GRHL2: variants seen among roughly 807,000 people sequenced by gnomAD.
GRHL2 encodes grainyhead like transcription factor 2.
GRHL2 carries 21 observed loss-of-function variants against 83.8 expected under a neutral mutation model. The observed-to-expected ratio is 0.25, with a 90% CI of 0.18 to 0.36. The LOEUF (loss-of-function observed/expected upper bound fraction) is 0.36. GRHL2 is among the 10% of genes least tolerant of loss of function. The probability of loss-of-function intolerance (pLI) is 1.00; values close to 1 mark genes in which losing one functional copy is unlikely to be tolerated. For synonymous variants in GRHL2, 280 were observed against 278.9 expected (o/e 1.00, Z -0.04); for missense variants, 623 against 781.8 (o/e 0.80, Z 2.42).
At chr8:101,677,424 C>A in the GRHL2 span, among the ~76,000 whole-genome samples, 19 of 151,808 alleles carry the variant, frequency 1.3e-4, 1 homozygote, top group African/African-American at 4.6e-4. Flanking sequence ...ACCATCTCCA[C>A]CCCCACGCCT....
At chr8:101,681,174 C>T in the GRHL2 span, among the ~76,000 whole-genome samples, 70 of 143,592 alleles carry the variant, frequency 4.9e-4, no homozygotes, top group East Asian at 6.9e-3. Flanking sequence ...ATTGATAGAC[C>T]GCTAGCAAGA....
chr8:101,599,100 G>T lies in GRHL2; in HGVS notation c.1047G>T (p.Glu349Asp), dbSNP rs1231804618. 1 of 1,613,752 alleles carries T rather than the reference G, an allele frequency of 6.2e-7. No homozygotes were observed. Residue 349 changes from glutamate to aspartate, a missense_variant, in exon 8 of 16, where the codon GAG becomes GAT. This residue lies in a region of GRHL2 where 96 missense variants were observed against 144.8 expected (regional missense o/e 0.66). Transcript: ENST00000646743. ...ESFNTIGNIE[E>D]IAYNAVSFTW... ...TTAATACGATTGGAAACATTGAAGA[G>T]ATTGCATATAATGCTGTTTCCTTTA...
chr8:101,492,628 G>A lies in GRHL2; in HGVS notation c.-142G>A. On this transcript the variant is annotated 5_prime_UTR_variant, in exon 1 of 16. Transcript: ENST00000646743. Reference sequence around the variant, plus strand: ...GCGAGCGAGCGAGAGTGGTGAGGGGGGACGGAAAAGCAGAATTACCTGTAG... The same window carrying A: ...GCGAGCGAGCGAGAGTGGTGAGGGGAGACGGAAAAGCAGAATTACCTGTAG... The A allele has an allele frequency of 1.3e-6, 1 of 775,174 alleles. No homozygotes were observed. Among genetic ancestry groups the A allele is most frequent in the Admixed American group, 1.8e-5 (1 of 54,116 alleles). The allele number at this position is 775,174 out of a possible 1,614,324, so 48.0% of individuals were successfully genotyped here. A position where few individuals can be genotyped will look rare whatever the true frequency, so the allele number is the denominator to read the frequency against.
intron 5 of GRHL2, among the ~76,000 whole-genome samples, chr8:101,571,209 G>T (rs1811813735): frequency 6.6e-6 from 1 of 152,182 alleles, no homozygotes; most frequent in South Asian, 2.1e-4. Context: ...GAAGGTGTGT[G>T]GGGTTGAGGG....
intron 8 of GRHL2, among the ~76,000 whole-genome samples, chr8:101,603,256 A>G (rs576181447): frequency 9.2e-5 from 14 of 152,342 alleles, no homozygotes; most frequent in Non-Finnish European, 1.6e-4. Context: ...GCATCATTGG[A>G]GAAACCTGTA....
chr8:101,680,762 A>T, the GRHL2 span, among the ~76,000 whole-genome samples: 15,443 of 125,682 alleles, frequency 0.12, 2,012 homozygotes, highest in South Asian at 0.23. Context: ...AGAACTCAGG[A>T]TTAAGAATCT....
At chr8:101,541,658 A>G (rs182394876) in intron 1 of GRHL2, among the ~76,000 whole-genome samples, 2 of 152,180 alleles carry the variant, frequency 1.3e-5, no homozygotes, top group Admixed American at 1.3e-4. Context: ...TCATTGTTCC[A>G]TGTTGGTTCC....
intron 1 of GRHL2, chr8:101,528,664 CAGGCAATCCCATAGCGCG>C (rs1810857303): frequency 5.0e-6 from 1 of 198,570 alleles, no homozygotes; most frequent in Non-Finnish European, 1.1e-5. Flanking sequence ...AACTTTTCAG[CAGGCAATCCCATAGCGCG>C]AGGCTCTTTT....
intron 1 of GRHL2, among the ~76,000 whole-genome samples, chr8:101,541,147 GGTGTGTGT>G (rs56763374): frequency 0.36 from 52,234 of 144,090 alleles, 10,350 homozygotes; most frequent in Non-Finnish European, 0.45. Flanking sequence ...ACTATTTCAT[GGTGTGTGT>G]GTGTGTGTGT....
chr8:101,675,130 T>C, the GRHL2 span, among the ~76,000 whole-genome samples: 42,062 of 151,820 alleles, frequency 0.28, 6,393 homozygotes, highest in African/African-American at 0.39. Context: ...CTGGAAGCAT[T>C]CCCTTTGAAA....
intron 1 of GRHL2, among the ~76,000 whole-genome samples, chr8:101,503,123 A>T (rs1383505274): frequency 1.3e-5 from 2 of 152,210 alleles, no homozygotes; most frequent in East Asian, 3.8e-4. Flanking sequence ...TCTGAAGTCG[A>T]CTTTTTCTGA....
Position 101,579,914 on chromosome 8 carries a change from C to T in GRHL2, c.1003+2395C>T, listed in dbSNP as rs548770360. Reference sequence around the variant, plus strand: ...GAAGGAAGGCAGAGAGTGCGTGGGCCGTACATTTGCTAGTTTTGGTTAGGA... The same window carrying T: ...GAAGGAAGGCAGAGAGTGCGTGGGCTGTACATTTGCTAGTTTTGGTTAGGA... On this transcript the variant is annotated intron_variant, in intron 7 of 15. Transcript: ENST00000646743. Among the ~76,000 whole-genome samples, 5 of 152,166 alleles carry T rather than the reference C, an allele frequency of 3.3e-5. No homozygotes were observed. The South Asian group carries it at 8.3e-4, about 25-fold the overall frequency.
At chr8:101,610,350 G>A (rs143500703) in intron 8 of GRHL2, among the ~76,000 whole-genome samples, 6 of 151,136 alleles carry the variant, frequency 4.0e-5, no homozygotes, top group Middle Eastern at 3.4e-3. Flanking sequence ...CCAGCTGGAA[G>A]GTAGCAATAG....
At chr8:101,588,378 G>A (rs1812210566) in intron 7 of GRHL2, among the ~76,000 whole-genome samples, 4 of 152,136 alleles carry the variant, frequency 2.6e-5, no homozygotes, top group Non-Finnish European at 4.4e-5. Flanking sequence ...TTTCAGAATT[G>A]ATGAAAAATA....
At chr8:101,596,159 CAG>C (rs1812386966) in intron 7 of GRHL2, among the ~76,000 whole-genome samples, 1 of 151,596 alleles carries the variant, frequency 6.6e-6, no homozygotes, top group South Asian at 2.1e-4. Context: ...ATAAATAAAA[CAG>C]AGAAAAAAGT....
intron 12 of GRHL2, among the ~76,000 whole-genome samples, chr8:101,643,518 G>T (rs1274307646): frequency 6.6e-6 from 1 of 152,152 alleles, no homozygotes; most frequent in East Asian, 1.9e-4. Flanking sequence ...CAGGCTTCTG[G>T]GAAAGGGGAC....
At chr8:101,575,359 C>T (rs1811913060) in intron 6 of GRHL2, among the ~76,000 whole-genome samples, 1 of 152,150 alleles carries the variant, frequency 6.6e-6, no homozygotes, top group South Asian at 2.1e-4. Flanking sequence ...CCCAAGAATT[C>T]TACTTTGCTG....
chr8:101,550,091 ATTTC>A (rs1302633642), intron 2 of GRHL2, among the ~76,000 whole-genome samples: 1 of 150,624 alleles, frequency 6.6e-6, no homozygotes, highest in Non-Finnish European at 1.5e-5. Context: ...TGCCAGTGGA[ATTTC>A]TTTCTCCTTT....
At chr8:101,539,179 G>C (rs1406936773) in intron 1 of GRHL2, among the ~76,000 whole-genome samples, 3 of 152,164 alleles carry the variant, frequency 2.0e-5, no homozygotes, top group African/African-American at 7.2e-5. Flanking sequence ...GGTGCTTCCT[G>C]CTAAACTTTT....
Sources: allele counts gnomAD v4.1 joint callset (sites outside exome capture counted in the v4.1 genomes callset), GRCh38; gene constraint gnomAD v4.1.1; regional missense constraint gnomAD v4.1.1; transcripts MANE v1.5; gene names NCBI Gene and HGNC (gene_info 2026-07-23, HGNC 2026-07-21).